SURF6: variants seen among roughly 807,000 people sequenced by gnomAD.
SURF6 encodes surfeit 6, also known as surfeit locus protein 6.
In SURF6, 28 loss-of-function variants were observed where a neutral mutation model predicts 37.5. That is an observed-to-expected ratio of 0.75 (90% CI 0.55 to 1.02). SURF6 has a LOEUF of 1.02. Ranked by LOEUF, SURF6 falls within the 50% of genes least tolerant of loss-of-function variation. The probability of loss-of-function intolerance (pLI) is 0.00; values close to 1 mark genes in which losing one functional copy is unlikely to be tolerated. For missense variants in SURF6, 560 were observed against 490.5 expected (o/e 1.14, Z -1.34); for synonymous variants, 248 against 210.9 (o/e 1.18, Z -1.52).
intron 1 of SURF6, among the ~76,000 whole-genome samples, chr9:133,334,958 G>A (rs933029164): frequency 2.6e-5 from 4 of 152,122 alleles, no homozygotes; most frequent in African/African-American, 9.7e-5. Flanking sequence ...TGGGGGTTAT[G>A]TTTACATTTT....
At position 133,329,955 on chromosome 9, in the gene SURF6, A is replaced by G. The variant is rs145908150; in HGVS notation, c.*1914T>C. 5.9e-5 allele frequency: 9 copies of G among 152,300 alleles called. No homozygotes were observed. The highest frequency in any genetic ancestry group is 2.2e-4 in the African/African-American group (9 of 41,556). 9.4% of individuals were successfully genotyped at this position (152,300 alleles called of 1,614,324 possible). ...ACGTCTGGAATTACCTGTTCTCTAT[A>G]TCGTGGAACTTCCCTGTAAAACCGT... On this transcript the variant is annotated 3_prime_UTR_variant, in exon 5 of 5. Transcript: ENST00000372022.
At chr9:133,333,276 C>T (rs1036172559) in intron 3 of SURF6, among the ~76,000 whole-genome samples, 15 of 152,216 alleles carry the variant, frequency 9.9e-5, no homozygotes, top group African/African-American at 2.9e-4. Flanking sequence ...CTCGGGATGG[C>T]GGAGGAGAGT....
At chr9:133,334,675 G>T in intron 1 of SURF6, 74 bp from the exon 2 acceptor site, 1 of 1,537,716 alleles carries the variant, frequency 6.5e-7, no homozygotes. Context: ...GCTCACCAAG[G>T]CTTTGATCCC....
rs1835690376 is a variant in SURF6 at position 133,330,219 on chromosome 9, T to A, written c.*1650A>T. The A allele has an allele frequency of 6.6e-6, 1 of 152,238 alleles. No homozygotes were observed. Among genetic ancestry groups the A allele is most frequent in the Non-Finnish European group, 1.5e-5 (1 of 68,054 alleles). The allele number at this position is 152,238 out of a possible 1,614,324, so 9.4% of individuals were successfully genotyped here. A position where few individuals can be genotyped will look rare whatever the true frequency, so the allele number is the denominator to read the frequency against. On this transcript the variant is annotated 3_prime_UTR_variant, in exon 5 of 5. Transcript: ENST00000372022. The stretch of plus-strand genomic sequence containing the variant: ...TAGGGGCTATGTTTTTTTGTGCTGC[T>A]TTAGCTCTGTTCCACAAATCTTAAA...
chr9:133,332,763 G>C lies in SURF6; in HGVS notation c.394-3C>G, dbSNP rs2129921323. On this transcript the variant is annotated splice_region_variant and splice_polypyrimidine_tract_variant and intron_variant, in intron 3 of 4. Coordinates refer to ENST00000372022, the MANE Select transcript of SURF6 (RefSeq NM_006753.6). ...GGGGACAGCTCCTTGGCACTGCCCTGGGGGAAAGAGGCACCCACTCATTAA... is the reference window on the plus strand; with the variant it reads ...GGGGACAGCTCCTTGGCACTGCCCTCGGGGAAAGAGGCACCCACTCATTAA... 1 of 1,609,136 alleles carries C rather than the reference G, an allele frequency of 6.2e-7. No homozygotes were observed.
At position 133,329,984 on chromosome 9, in the gene SURF6, G is replaced by C. The variant is rs1050294604; in HGVS notation, c.*1885C>G. The C allele has an allele frequency of 6.6e-6, 1 of 152,182 alleles. No individual in the cohort carries two copies. The highest frequency in any genetic ancestry group is 6.5e-5 in the Admixed American group (1 of 15,292). 9.4% of individuals were successfully genotyped at this position (152,182 alleles called of 1,614,324 possible). ...TGGAACTTCCCTGTAAAACCGTCTA[G>C]GGGAACATTCTTAACTACTGACTCA... On this transcript the variant is annotated 3_prime_UTR_variant, in exon 5 of 5. Transcript: ENST00000372022.
intron 1 of SURF6, among the ~76,000 whole-genome samples, chr9:133,335,669 T>C (rs1361356505): frequency 6.7e-6 from 1 of 149,398 alleles, no homozygotes; most frequent in Non-Finnish European, 1.5e-5. Context: ...AAGGGTCTTT[T>C]CCCACTGACT....
At position 133,331,966 on chromosome 9, in the gene SURF6, C is replaced by A. The variant is rs2129913285; in HGVS notation, c.989G>T (p.Arg330Leu). 1 of 1,595,388 alleles carries A rather than the reference C, an allele frequency of 6.3e-7. No homozygotes were observed. The highest frequency in any genetic ancestry group is 8.5e-7 in the Non-Finnish European group (1 of 1,177,766). The change falls in exon 5 of 5, where the codon CGC becomes CTC. Residue 330 changes from arginine to leucine, a missense_variant. By Grantham distance (102) the Arg-to-Leu change is moderately radical. Transcript: ENST00000372022. The stretch of plus-strand genomic sequence containing the variant: ...CTCGGCGCGGGCCGCCTTCTTCCTG[C>A]GCAGGTTCTGCCGCCGCCGGTCCTG... ...QRQDRRRQNL[R>L]RKKAARAERR...
rs2129932126 is a variant in SURF6, at chr9:133,335,663, G to A, written c.94+376C>T. ...TGCCCGTAGTGAAGGGACTGAAAGG[G>A]TCTTTTCCCACTGACTGACCATTAC... On this transcript the variant is annotated intron_variant, in intron 1 of 4. Transcript: ENST00000372022. 1.7e-4 allele frequency among the ~76,000 whole-genome samples: 26 copies of A among 150,932 alleles called. No homozygotes were observed. In the South Asian group the frequency reaches 4.2e-3, roughly 24 times the overall value.
At chr9:133,333,892 G>T in intron 2 of SURF6, 86 bp from the exon 3 acceptor site, 1 of 1,117,682 alleles carries the variant, frequency 8.9e-7, no homozygotes, top group Non-Finnish European at 1.3e-6. Context: ...TCCCACTGTG[G>T]CCACTCATGG....
rs1835871874 is a variant in SURF6, at chr9:133,336,119, A to G, written c.14T>C (p.Leu5Pro). MASL[L>P]AKDAYLQSLA... ...GCTCTGCAGGTAGGCGTCCTTGGCGAGTAGAGAGGCCATGGCGGAGACCCG... is the reference window on the plus strand; with the variant it reads ...GCTCTGCAGGTAGGCGTCCTTGGCGGGTAGAGAGGCCATGGCGGAGACCCG... Residue 5 changes from leucine (L) to proline (P), a missense_variant, in exon 1 of 5, where the codon CTC becomes CCC. Transcript: ENST00000372022. 3.7e-6 allele frequency: 6 copies of G among 1,612,094 alleles called. No homozygotes were observed. The highest frequency in any genetic ancestry group is 5.1e-6 in the Non-Finnish European group (6 of 1,179,704).
intron 4 of SURF6, 86 bp from the exon 5 acceptor site, chr9:133,332,434 C>T (rs1588670899): frequency 6.5e-7 from 1 of 1,530,332 alleles, no homozygotes; most frequent in Non-Finnish European, 8.7e-7. Flanking sequence ...TGCGAGGTCC[C>T]CGTCACCACC....
In SURF6 at chr9:133,334,489, G is replaced by A. The variant is rs2129927765; in HGVS notation, c.207C>T (p.Ser69=). The A allele has an allele frequency of 1.2e-6, 2 of 1,614,126 alleles. No homozygotes were observed. The highest frequency in any genetic ancestry group is 2.2e-5 in the South Asian group (2 of 91,088). The change falls in exon 2 of 5, where the codon TCC becomes TCT. Residue 69 remains serine, a synonymous_variant. Coordinates refer to ENST00000372022, the MANE Select transcript of SURF6 (RefSeq NM_006753.6). ...EEKAAEHKAK[S]LGEKSPAASG... The stretch of plus-strand genomic sequence containing the variant: ...AGGCTGCTGGAGATTTCTCCCCCAA[G>A]GACTTGGCCTTGTGCTCAGCAGCCT...
chr9:133,329,797 C>A lies in SURF6; in HGVS notation c.*2072G>T, dbSNP rs1294997989. 6.6e-6 allele frequency: 1 copy of A among 152,214 alleles called. No individual in the cohort carries two copies. Among genetic ancestry groups the A allele is most frequent in the East Asian group, 1.9e-4 (1 of 5,198 alleles). 9.4% of individuals were successfully genotyped at this position (152,214 alleles called of 1,614,324 possible). On this transcript the variant is annotated 3_prime_UTR_variant, in exon 5 of 5. Coordinates refer to ENST00000372022, the MANE Select transcript of SURF6 (RefSeq NM_006753.6). ...TACTGGAACAGCTCGTGTCCTCTGT[C>A]TCTTGCCTCGGCGCCTGGGTGGCTT...
At position 133,334,572 on chromosome 9, in the gene SURF6, C is replaced by G. The variant is rs2129928414; in HGVS notation, c.124G>C (p.Gly42Arg). 2.5e-6 allele frequency: 4 copies of G among 1,611,420 alleles called. No individual in the cohort carries two copies. The highest frequency in any genetic ancestry group is 3.4e-6 in the Non-Finnish European group (4 of 1,180,002). Reference protein sequence around the residue: ...AGKTQGSETAGPPKKKRKKTQ... With the variant: ...AGKTQGSETARPPKKKRKKTQ... ...TTCTTCCTTTTCTTTTTTGGGGGCCCTGCAGTTTCTGAGCCTTGAGTTTTG... is the reference window on the plus strand; with the variant it reads ...TTCTTCCTTTTCTTTTTTGGGGGCCGTGCAGTTTCTGAGCCTTGAGTTTTG... Residue 42 changes from glycine (G) to arginine (R), a missense_variant, in exon 2 of 5, where the codon GGG (glycine) becomes CGG (arginine). By Grantham distance (125) the Gly-to-Arg change is moderately radical. Transcript: ENST00000372022.
At chr9:133,333,260 C>T (rs782138375) in intron 3 of SURF6, among the ~76,000 whole-genome samples, 1 of 152,214 alleles carries the variant, frequency 6.6e-6, no homozygotes, top group African/African-American at 2.4e-5. Flanking sequence ...GAACCACACA[C>T]TGTACCTCGG....
At chr9:133,333,850 TC>T in intron 2 of SURF6, 44 bp from the exon 3 acceptor site, 1 of 1,490,986 alleles carries the variant, frequency 6.7e-7, no homozygotes, top group Non-Finnish European at 9.2e-7. Context: ...TCTCTTCCCC[TC>T]CCCCTCCCTC....
chr9:133,331,937 G>T lies in SURF6; in HGVS notation c.1018C>A (p.Arg340Ser). ...RRKKAARAER[R>S]LLRARKKGRI... ...CCCTTCTTGCGGGCTCTGAGCAGGC[G>T]GCGCTCGGCGCGGGCCGCCTTCTTC... The change falls in exon 5 of 5, where the codon CGC (arginine) becomes AGC (serine). Residue 340 changes from arginine to serine, a missense_variant. Coordinates refer to ENST00000372022, the MANE Select transcript of SURF6 (RefSeq NM_006753.6). The T allele has an allele frequency of 6.3e-7, 1 of 1,584,358 alleles. No individual in the cohort carries two copies.
At chr9:133,333,888 T>C (rs1050240688) in intron 2 of SURF6, 82 bp from the exon 3 acceptor site, 26 of 1,157,976 alleles carry the variant, frequency 2.2e-5, no homozygotes, top group Non-Finnish European at 3.0e-5. Context: ...CCTGTCCCAC[T>C]GTGGCCACTC....
Sources: gnomAD v4.1 joint callset for allele counts (sites outside exome capture counted in the v4.1 genomes callset) on GRCh38, gnomAD v4.1.1 for gene constraint, MANE v1.5 for transcripts, NCBI Gene and HGNC (gene_info 2026-07-23, HGNC 2026-07-21) for gene names.